The following AKAP4 variants were observed in gnomAD, a reference collection of about 807,000 sequenced individuals.
The protein encoded by AKAP4 is A-kinase anchor protein 4.
A neutral mutation model predicts 42.6 loss-of-function variants in AKAP4; 4 were observed. The observed-to-expected ratio is 0.09, with a 90% confidence interval of 0.05 to 0.22. The LOEUF (loss-of-function observed/expected upper bound fraction) is 0.22, where lower values mean the gene tolerates loss of function less well. Ranked by LOEUF, AKAP4 falls within the 10% of genes least tolerant of loss-of-function variation. The pLI is 1.00. For synonymous variants in AKAP4, 223 were observed against 233.0 expected, an observed-to-expected ratio of 0.96 and a Z score of 0.39; for missense variants, 551 against 630.7, an observed-to-expected ratio of 0.87 and a Z score of 1.35.
intron 5 of AKAP4, 151 bp downstream of exon 5, chrX:50,192,153 T>A: frequency 2.0e-6 from 1 of 509,860 alleles, no homozygotes; most frequent in Non-Finnish European, 3.1e-6. Context: ...GGTTCACCGT[T>A]TTTGTGTCTT....
rs1248056283 is a variant in AKAP4, at chrX:50,197,449, CT to C, written c.174+94del. 6.0e-6 allele frequency: 5 copies of C among 826,575 alleles called. No individual in the cohort carries two copies. In the African/African-American group the frequency reaches 1.0e-4, roughly 17 times the overall value. The allele number at this position is 826,575 out of a possible 1,213,427, so 68.1% of individuals were successfully genotyped here. The stretch of plus-strand genomic sequence containing the variant: ...CCCCTGAGTCCCCTCCTCCTTTCCC[CT>C]CTCTCCCCCCAACATTTTCCATTCT... On this transcript the variant is annotated intron_variant, in intron 3 of 5. Transcript: ENST00000358526.
intron 1 of AKAP4, among the ~76,000 whole-genome samples, chrX:50,199,585 AC>A (rs1935234319): frequency 9.0e-6 from 1 of 111,626 alleles, no homozygotes; most frequent in Non-Finnish European, 1.9e-5. Context: ...GATTTTTGCT[AC>A]GTAAGACCTG....
chrX:50,193,189 C>G lies in AKAP4; in HGVS notation c.1524G>C (p.Trp508Cys). 1.7e-6 allele frequency: 2 copies of G among 1,211,784 alleles called. No individual in the cohort carries two copies. The highest frequency in any genetic ancestry group is 2.2e-6 in the Non-Finnish European group (2 of 895,563). ...TGCATGAGTTTCCTTGCTTTTGGTT[C>G]CAGATGGTTAGGCCCTCTTTGAGAA... ...EHILKEGLTI[W>C]NQKQGNSCKV... is the part of the protein sequence containing the mutation. Residue 508 changes from tryptophan (W) to cysteine (C), a missense_variant, in exon 5 of 6, where the codon TGG becomes TGC. By Grantham distance (215) the Trp-to-Cys change is radical. Coordinates refer to ENST00000358526, the MANE Select transcript of AKAP4 (RefSeq NM_003886.3).
Position 50,193,538 on chromosome X carries a change from T to G in AKAP4, c.1175A>C (p.Asn392Thr). ...GTCAGTCATCAGGACCCCAGTAATATTATGCAGGTTCTTCATGCAAGAATC... is the reference window on the plus strand; with the variant it reads ...GTCAGTCATCAGGACCCCAGTAATAGTATGCAGGTTCTTCATGCAAGAATC... ...LIDSCMKNLH[N>T]ITGVLMTDSD... Residue 392 changes from asparagine to threonine, a missense_variant, in exon 5 of 6, where the codon AAT becomes ACT. Transcript: ENST00000358526. 8.3e-7 allele frequency: 1 copy of G among 1,211,614 alleles called. No homozygotes were observed. The highest frequency in any genetic ancestry group is 1.8e-5 in the South Asian group (1 of 56,928).
chrX:50,191,204 AC>A, intron 5 of AKAP4, 89 bp from the exon 6 acceptor site: 2 of 1,019,804 alleles, frequency 2.0e-6, no homozygotes, highest in Non-Finnish European at 1.3e-6. Context: ...AACCCCCTCA[AC>A]CCCTAACCTC....
intron 5 of AKAP4, among the ~76,000 whole-genome samples, chrX:50,191,667 AGAAAG>A (rs1935113374): frequency 3.9e-5 from 2 of 51,715 alleles, no homozygotes; most frequent in African/African-American, 1.0e-4. Context: ...TGTGAGAGAG[AGAAAG>A]AGAGAGAGAG....
chrX:50,198,079 T>C (rs1602169023), intron 2 of AKAP4, among the ~76,000 whole-genome samples: 1 of 111,861 alleles, frequency 8.9e-6, no homozygotes, highest in Non-Finnish European at 1.9e-5. Context: ...CTGCATTTAA[T>C]AGGTGAATTT....
intron 4 of AKAP4, among the ~76,000 whole-genome samples, chrX:50,195,060 A>G (rs1327676569): frequency 8.9e-6 from 1 of 112,132 alleles, no homozygotes; most frequent in Non-Finnish European, 1.9e-5. Flanking sequence ...ACTAGTATGT[A>G]TCATGCAGCT....
In AKAP4 at chrX:50,200,892, A is replaced by G. The variant is rs782794924; in HGVS notation, c.-3T>C. ...GTAGTATCAGAGTACGCCATCATGT[A>G]GGACCCTGGAATGATGTTTTCTTGT... On this transcript the variant is annotated 5_prime_UTR_variant, in exon 1 of 6. Transcript: ENST00000358526. 3 of 1,205,194 alleles carry G rather than the reference A, an allele frequency of 2.5e-6. No individual in the cohort carries two copies. The highest frequency in any genetic ancestry group is 3.4e-6 in the Non-Finnish European group (3 of 891,424).
intron 1 of AKAP4, 152 bp from the exon 2 acceptor site, chrX:50,198,904 G>A (rs980530149): frequency 6.9e-5 from 27 of 390,705 alleles, no homozygotes; most frequent in Middle Eastern, 6.5e-4. Context: ...GAGCAGTGGG[G>A]GACACATTGA....
In AKAP4 at chrX:50,193,801, G is replaced by T. The variant is rs890413435; in HGVS notation, c.912C>A (p.Ser304Arg). 3.3e-6 allele frequency: 4 copies of T among 1,208,726 alleles called. No homozygotes were observed. The African/African-American group carries it at 7.0e-5, about 21-fold the overall frequency. The change falls in exon 5 of 6, where the codon AGC (serine) becomes AGA (arginine). Residue 304 changes from serine to arginine, a missense_variant. Coordinates refer to ENST00000358526, the MANE Select transcript of AKAP4 (RefSeq NM_003886.3). ...REGGQKSFLY[S>R]ELSNKSKSGD... ...CACTTTTGCTCTTGTTGGATAATTC[G>T]CTATATAGAAAGCTTTTCTGGCCAC... is the stretch of plus-strand genomic sequence containing the variant.
At chrX:50,200,249 T>C (rs1354891791) in intron 1 of AKAP4, 4 of 752,227 alleles carry the variant, frequency 5.3e-6, no homozygotes, top group Admixed American at 8.8e-5. Flanking sequence ...GAAGTTCTTT[T>C]AGATGTTTGG....
chrX:50,192,253 C>T (rs1364199919), intron 5 of AKAP4, 51 bp downstream of exon 5: 1 of 1,043,137 alleles, frequency 9.6e-7, no homozygotes, highest in East Asian at 3.2e-5. Context: ...ATGCTGCCTC[C>T]CTGCCTCTGC....
At chrX:50,191,867 A>C (rs914399083) in intron 5 of AKAP4, among the ~76,000 whole-genome samples, 2 of 110,355 alleles carry the variant, frequency 1.8e-5, no homozygotes, top group Non-Finnish European at 3.8e-5. Context: ...GGAAAATAGT[A>C]AGAGACAAGT....
At chrX:50,200,387 TC>T in intron 1 of AKAP4, 1 of 755,202 alleles carries the variant, frequency 1.3e-6, no homozygotes, top group Admixed American at 8.5e-5. Flanking sequence ...GGCCAGGCTT[TC>T]CCCTGCTGCC....
chrX:50,193,831 C>A lies in AKAP4; in HGVS notation c.882G>T (p.Arg294Ser), dbSNP rs1316605707. ...AEMRGTGEESREGGQKSFLYS... is the reference protein window; with the variant it reads ...AEMRGTGEESSEGGQKSFLYS... ...ATAGAAAGCTTTTCTGGCCACCTTC[C>A]CTGGACTCCTCTCCAGTGCCACGCA... The change falls in exon 5 of 6, where the codon AGG becomes AGT. Residue 294 changes from arginine to serine, a missense_variant. By Grantham distance (110) the Arg-to-Ser change is moderately radical (BLOSUM62 -1). Transcript: ENST00000358526. 1.7e-6 allele frequency: 2 copies of A among 1,209,997 alleles called. No individual in the cohort carries two copies. The highest frequency in any genetic ancestry group is 3.5e-5 in the African/African-American group (2 of 57,281).
chrX:50,200,056 G>C (rs1935243696), intron 1 of AKAP4, among the ~76,000 whole-genome samples: 1 of 104,976 alleles, frequency 9.5e-6, no homozygotes, highest in East Asian at 3.0e-4. Flanking sequence ...CCTTGAAAAA[G>C]TTATAGGAAA....
At position 50,192,799 on chromosome X, in the gene AKAP4, A is replaced by C; in HGVS notation, c.1914T>G (p.Leu638=). The C allele has an allele frequency of 1.7e-6, 2 of 1,211,435 alleles. No individual in the cohort carries two copies. The highest frequency in any genetic ancestry group is 2.2e-6 in the Non-Finnish European group (2 of 895,392). Residue 638 remains leucine (L), a synonymous_variant, in exon 5 of 6, where the codon CTT becomes CTG. Transcript: ENST00000358526. ...NIVLMLIQKL[L]NENPFKCEDP... Reference sequence around the variant, plus strand: ...CCTCACATTTGAAGGGGTTCTCATTAAGCAGTTTCTGAATCAGCATTAGAA... The same window carrying C: ...CCTCACATTTGAAGGGGTTCTCATTCAGCAGTTTCTGAATCAGCATTAGAA...
chrX:50,194,026 G>C lies in AKAP4; in HGVS notation c.687C>G (p.Ile229Met), dbSNP rs782209570. 8.3e-7 allele frequency: 1 copy of C among 1,211,528 alleles called. No homozygotes were observed. ...FYVNRLSSLV[I>M]QMAHKEIKEK... ...CCTTGATTTCCTTATGGGCCATCTGGATTACCAGAGAAGATAGTCGGTTGA... is the reference window on the plus strand; with the variant it reads ...CCTTGATTTCCTTATGGGCCATCTGCATTACCAGAGAAGATAGTCGGTTGA... Residue 229 changes from isoleucine to methionine, a missense_variant, in exon 5 of 6, where the codon ATC (isoleucine) becomes ATG (methionine). Physicochemically the swap from Ile to Met is conservative, Grantham distance 10 (BLOSUM62 1). Transcript: ENST00000358526.
Sources: gnomAD v4.1 joint callset for allele counts (sites outside exome capture counted in the v4.1 genomes callset) on GRCh38, gnomAD v4.1.1 for gene constraint, MANE v1.5 for transcripts, NCBI Gene and HGNC (gene_info 2026-07-23, HGNC 2026-07-21) for gene names.